Variants in SLC7A8 observed in about 807,000 individuals in gnomAD.
SLC7A8 encodes large neutral amino acids transporter small subunit 2.
A neutral mutation model predicts 51.2 loss-of-function variants in SLC7A8; 30 were observed. The observed-to-expected ratio is 0.59, with a 90% CI of 0.44 to 0.80. SLC7A8 has a LOEUF of 0.80. Among genes scored for constraint, SLC7A8 ranks in the 30% least tolerant of loss-of-function variants. The pLI is 0.00. For missense variants in SLC7A8, 612 were observed against 674.4 expected, an observed-to-expected ratio of 0.91 and a Z score of 1.03; for synonymous variants, 257 against 275.8, an observed-to-expected ratio of 0.93 and a Z score of 0.67.
Position 23,161,925 on chromosome 14 carries a change from TAAA to T in SLC7A8, c.508+3357_508+3359del, listed in dbSNP as rs34382575. Among the ~76,000 whole-genome samples the T allele has an allele frequency of 3.8e-3, 404 of 107,174 alleles. 18 individuals carry two copies. Among genetic ancestry groups the T allele is most frequent in the Middle Eastern group, 5.4e-3 (1 of 184 alleles). The allele number at this position is 107,174 out of a possible 152,430, so 70.3% of individuals were successfully genotyped here. On this transcript the variant is annotated intron_variant, in intron 3 of 10. Coordinates refer to ENST00000316902, the MANE Select transcript of SLC7A8 (RefSeq NM_012244.4). Reference sequence around the variant, plus strand: ...CTGGGTGACAGAGTGAGACTCCATCTAAAAAAAAAAAAAAAAAAAGCATCTACC... The same window carrying T: ...CTGGGTGACAGAGTGAGACTCCATCTAAAAAAAAAAAAAAAAGCATCTACC...
chr14:23,181,925 G>A (rs552601259), intron 1 of SLC7A8, among the ~76,000 whole-genome samples: 9 of 152,344 alleles, frequency 5.9e-5, no homozygotes, highest in African/African-American at 2.2e-4. Flanking sequence ...CATTCAGGGG[G>A]TTTGAGTGGC....
chr14:23,126,920 CCT>C lies in SLC7A8; in HGVS notation c.*255_*256del, dbSNP rs1566776747. ...TCCTGCAGGGCACCTTGGCATCTCC[CCT>C]CTCCTCCAGCAGCTGGGAGTGTGGG... On this transcript the variant is annotated 3_prime_UTR_variant, in exon 11 of 11. Coordinates refer to ENST00000316902, the MANE Select transcript of SLC7A8 (RefSeq NM_012244.4). 1 of 522,698 alleles carries C rather than the reference CCT, an allele frequency of 1.9e-6. No homozygotes were observed. Among genetic ancestry groups the C allele is most frequent in the African/African-American group, 1.9e-5 (1 of 52,300 alleles). The allele number at this position is 522,698 out of a possible 1,614,324, so 32.4% of individuals were successfully genotyped here.
intron 7 of SLC7A8, among the ~76,000 whole-genome samples, chr14:23,135,474 G>A (rs2048680830): frequency 6.6e-6 from 1 of 150,922 alleles, no homozygotes; most frequent in Non-Finnish European, 1.5e-5. Flanking sequence ...AGGCTGAGGC[G>A]GGCGGATCAC....
intron 1 of SLC7A8, among the ~76,000 whole-genome samples, chr14:23,171,511 A>G (rs1271199184): frequency 6.6e-6 from 1 of 152,182 alleles, no homozygotes; most frequent in African/African-American, 2.4e-5. Flanking sequence ...CCATCAAAGA[A>G]TTTCCTAAGG....
chr14:23,148,722 T>C (rs2048820406), intron 3 of SLC7A8, among the ~76,000 whole-genome samples: 1 of 152,178 alleles, frequency 6.6e-6, no homozygotes, highest in Non-Finnish European at 1.5e-5. Context: ...GATGGGGCCA[T>C]GAGCCAAAGA....
intron 3 of SLC7A8, among the ~76,000 whole-genome samples, chr14:23,146,212 C>T (rs1176149699): frequency 6.6e-6 from 1 of 152,164 alleles, no homozygotes; most frequent in East Asian, 1.9e-4. Context: ...GATTAGGAAA[C>T]AAACCCCATA....
chr14:23,153,681 T>TC (rs2048867012), intron 3 of SLC7A8, among the ~76,000 whole-genome samples: 1 of 152,018 alleles, frequency 6.6e-6, no homozygotes, highest in South Asian at 2.1e-4. Flanking sequence ...CCACCTTGGG[T>TC]CCCCTCCCAC....
intron 3 of SLC7A8, among the ~76,000 whole-genome samples, chr14:23,162,305 C>G (rs2048928370): frequency 6.6e-6 from 1 of 152,054 alleles, no homozygotes; most frequent in South Asian, 2.1e-4. Context: ...GTTTCCATTT[C>G]CCCTAAAGGA....
At chr14:23,152,076 A>G (rs1403767607) in intron 3 of SLC7A8, among the ~76,000 whole-genome samples, 1 of 152,074 alleles carries the variant, frequency 6.6e-6, no homozygotes, top group Non-Finnish European at 1.5e-5. Context: ...ACAAAAGCAA[A>G]GAAAAAAAAA....
chr14:23,144,341 A>AT (rs67517828), intron 3 of SLC7A8, among the ~76,000 whole-genome samples: 3,316 of 114,312 alleles, frequency 0.029, 59 homozygotes, highest in Middle Eastern at 0.055. Flanking sequence ...TTTAAACACA[A>AT]TTTTTTTTTT....
intron 3 of SLC7A8, among the ~76,000 whole-genome samples, chr14:23,151,749 T>TAAA (rs60024939): frequency 2.0e-5 from 2 of 100,896 alleles, no homozygotes; most frequent in South Asian, 3.6e-4. Flanking sequence ...CCCTGTCTCT[T>TAAA]AAAAAAAAAA....
At chr14:23,176,941 CAAAAA>C (rs10633003) in intron 1 of SLC7A8, among the ~76,000 whole-genome samples, 1 of 72,868 alleles carries the variant, frequency 1.4e-5, no homozygotes, top group Non-Finnish European at 3.1e-5. Context: ...GACTCTGTCT[CAAAAA>C]AAAAAAAAAA....
intron 1 of SLC7A8, among the ~76,000 whole-genome samples, chr14:23,167,232 T>C (rs1242865482): frequency 6.6e-6 from 1 of 152,128 alleles, no homozygotes; most frequent in Non-Finnish European, 1.5e-5. Flanking sequence ...ATGCAATACA[T>C]ACAAAGCCTC....
At chr14:23,141,488 C>T (rs1300751936) in intron 4 of SLC7A8, among the ~76,000 whole-genome samples, 3 of 152,160 alleles carry the variant, frequency 2.0e-5, no homozygotes, top group South Asian at 2.1e-4. Context: ...CTCGCTCTGT[C>T]GCCCAGGCTG....
At chr14:23,140,962 T>C (rs1392114538) in intron 4 of SLC7A8, among the ~76,000 whole-genome samples, 1 of 152,214 alleles carries the variant, frequency 6.6e-6, no homozygotes, top group African/African-American at 2.4e-5. Context: ...TCCTGACCAC[T>C]TTCTCTAAGT....
At chr14:23,140,248 A>C (rs577911008) in intron 5 of SLC7A8, among the ~76,000 whole-genome samples, 1 of 152,198 alleles carries the variant, frequency 6.6e-6, no homozygotes, top group East Asian at 1.9e-4. Context: ...TCAGCTTCTA[A>C]TCTGCTCTGG....
chr14:23,131,736 C>T (rs948059284), intron 7 of SLC7A8, among the ~76,000 whole-genome samples, 179 bp from the exon 8 acceptor site: 3 of 152,216 alleles, frequency 2.0e-5, no homozygotes, highest in Non-Finnish European at 4.4e-5. Context: ...AATGCAGGTG[C>T]AAGCAAACCA....
intron 3 of SLC7A8, among the ~76,000 whole-genome samples, chr14:23,153,741 A>G (rs542772403): frequency 2.0e-5 from 3 of 151,830 alleles, no homozygotes; most frequent in African/African-American, 7.2e-5. Context: ...AAACTCCCGG[A>G]ACTCCATTTG....
chr14:23,143,044 A>G, intron 4 of SLC7A8, 35 bp downstream of exon 4: 2 of 1,611,340 alleles, frequency 1.2e-6, no homozygotes, highest in Non-Finnish European at 1.7e-6. Context: ...AGGGGAGGAA[A>G]GCTGGGCAGT....
Sources: gnomAD v4.1 joint callset for allele counts (sites outside exome capture counted in the v4.1 genomes callset) on GRCh38, gnomAD v4.1.1 for gene constraint, MANE v1.5 for transcripts, NCBI Gene and HGNC (gene_info 2026-07-23, HGNC 2026-07-21) for gene names.